Variants in ANK3 observed in about 807,000 individuals in gnomAD.
The protein encoded by ANK3 is ankyrin 3, also known as ankyrin-3.
A neutral mutation model predicts 370.9 loss-of-function variants in ANK3; 57 were observed. That is an observed-to-expected ratio of 0.15 (90% confidence interval 0.12 to 0.19). ANK3 has a LOEUF of 0.19. Among genes scored for constraint, ANK3 ranks in the 10% least tolerant of loss-of-function variants. The pLI, the probability that ANK3 is intolerant of heterozygous loss-of-function variation, is 1.00. For missense variants in ANK3, 4,439 were observed against 5,302.1 expected, an observed-to-expected ratio of 0.84 and a Z score of 5.06; for synonymous variants, 1,929 against 1,946.3, an observed-to-expected ratio of 0.99 and a Z score of 0.23.
chr10:60,337,404 C>G (rs2053253050), intron 1 of ANK3, among the ~76,000 whole-genome samples: 1 of 152,088 alleles, frequency 6.6e-6, no homozygotes, highest in South Asian at 2.1e-4. Context: ...ATACATGACC[C>G]TCTCTGTTTT....
chr10:60,710,440 A>G (rs1198748354), intron 1 of ANK3, among the ~76,000 whole-genome samples: 1 of 152,154 alleles, frequency 6.6e-6, no homozygotes. Flanking sequence ...TTAACTTTTT[A>G]TAATAGAGTT....
In ANK3 at chr10:60,349,760, C is replaced by T. The variant is rs80061084; in HGVS notation, c.114+39665G>A. Among the ~76,000 whole-genome samples the T allele has an allele frequency of 5.3e-3, 806 of 152,284 alleles. 2 individuals are homozygous for T. Among genetic ancestry groups the T allele is most frequent in the Non-Finnish European group, 8.1e-3 (552 of 68,028 alleles). On this transcript the variant is annotated intron_variant, in intron 1 of 43. Transcript: ENST00000280772. ...ATGAGGGTAGAAATAGAGACTCCCA[C>T]CCTCTGTTCTCCCTTCTAATAGGCA... is the stretch of plus-strand genomic sequence containing the variant.
chr10:60,227,823 G>C (rs142964471), intron 8 of ANK3, among the ~76,000 whole-genome samples: 200 of 152,074 alleles, frequency 1.3e-3, no homozygotes, highest in African/African-American at 4.7e-3. Context: ...ATTTATCTTA[G>C]TTATTTTAAA....
intron 9 of ANK3, among the ~76,000 whole-genome samples, chr10:60,213,003 G>A (rs112895900): frequency 5.9e-5 from 9 of 152,176 alleles, no homozygotes; most frequent in African/African-American, 2.2e-4. Flanking sequence ...GTCTTTATCA[G>A]CTAAGTGATA....
At position 60,069,755 on chromosome 10, in the gene ANK3, G is replaced by A; in HGVS notation, c.11126C>T (p.Thr3709Ile). Residue 3709 changes from threonine (T) to isoleucine (I), a missense_variant, in exon 37 of 44, where the codon ACT becomes ATT. By Grantham distance (89) the Thr-to-Ile change is moderately conservative. Around this residue, in one of 13 missense-constraint regions of ANK3, gnomAD observed 496 missense variants for 529.3 expected, o/e 0.94. Coordinates refer to ENST00000280772, the MANE Select transcript of ANK3 (RefSeq NM_020987.5). ...SGSLEKSAAA[T>I]NTSKVDPKLR... ...CTTGGGGTCAACTTTAGAGGTGTTA[G>A]TGGCTGCTGCTGATTTCTCCAGGGA... The A allele has an allele frequency of 1.2e-6, 2 of 1,613,932 alleles. No individual in the cohort carries two copies. Among genetic ancestry groups the A allele is most frequent in the Non-Finnish European group, 1.7e-6 (2 of 1,179,970 alleles).
At chr10:60,421,155 G>C (rs1294295521) in intron 2 of ANK3, among the ~76,000 whole-genome samples, 1 of 151,944 alleles carries the variant, frequency 6.6e-6, no homozygotes, top group African/African-American at 2.4e-5. Flanking sequence ...GAGAGAGAGA[G>C]ATAAGAGATT....
rs540038742 is a variant in ANK3, at chr10:60,284,802, C to G, written c.115-5163G>C. Among the ~76,000 whole-genome samples, 262 of 151,590 alleles carry G rather than the reference C, an allele frequency of 1.7e-3. 1 individual carries two copies. Among genetic ancestry groups the G allele is most frequent in the African/African-American group, 6.1e-3 (250 of 41,260 alleles). The stretch of plus-strand genomic sequence containing the variant: ...TTTGCTTCTAAACTTTTCTGGGGGG[C>G]GGGGGCAATCTCAGGAGCCTCTTTC... On this transcript the variant is annotated intron_variant, in intron 1 of 43. Transcript: ENST00000280772.
At position 60,583,879 on chromosome 10, in the gene ANK3, C is replaced by A. The variant is rs1367958520; in HGVS notation, c.96+31307G>T. Among the ~76,000 whole-genome samples the A allele has an allele frequency of 4.6e-5, 7 of 152,174 alleles. No homozygotes were observed. The East Asian group carries it at 1.2e-3, about 25-fold the overall frequency. On this transcript the variant is annotated intron_variant, in intron 2 of 43. Coordinates refer to the ANK3 transcript ENST00000373827. The stretch of plus-strand genomic sequence containing the variant: ...CATTACAGGCATGAGCCACGGCGCC[C>A]AGCCACAGAGAAGTATTTTAAATGT...
chr10:60,252,896 A>G (rs1375807454), intron 7 of ANK3, among the ~76,000 whole-genome samples: 1 of 152,212 alleles, frequency 6.6e-6, no homozygotes, highest in East Asian at 1.9e-4. Flanking sequence ...TCCTGGATGC[A>G]AGCAGTGACA....
intron 17 of ANK3, among the ~76,000 whole-genome samples, chr10:60,182,977 A>G (rs1373909109): frequency 1.3e-5 from 2 of 152,182 alleles, no homozygotes; most frequent in African/African-American, 4.8e-5. Flanking sequence ...TGTCATGGTC[A>G]CCTATTCTAA....
chr10:60,558,215 T>C (rs571621479), intron 2 of ANK3, among the ~76,000 whole-genome samples: 1 of 152,218 alleles, frequency 6.6e-6, no homozygotes, highest in Non-Finnish European at 1.5e-5. Context: ...TTCAACCGCA[T>C]TTCTGATATT....
At chr10:60,092,235 G>T (rs184830604) in intron 28 of ANK3, among the ~76,000 whole-genome samples, 1 of 152,142 alleles carries the variant, frequency 6.6e-6, no homozygotes, top group Admixed American at 6.5e-5. Flanking sequence ...GGGGGATGGG[G>T]GGTTGTTTTG....
chr10:60,701,615 A>T (rs914761049), intron 1 of ANK3, among the ~76,000 whole-genome samples: 2 of 152,314 alleles, frequency 1.3e-5, no homozygotes, highest in Middle Eastern at 3.4e-3. Flanking sequence ...TATATTAAGT[A>T]AAAACAGCAA....
intron 39 of ANK3, 53 bp from the exon 40 acceptor site, chr10:60,063,307 C>G: frequency 6.5e-7 from 1 of 1,542,786 alleles, no homozygotes; most frequent in Non-Finnish European, 8.7e-7. Context: ...TTCTTTCAGT[C>G]AGCACAATAT....
chr10:60,205,006 G>A (rs901319838), intron 11 of ANK3, among the ~76,000 whole-genome samples: 6 of 152,138 alleles, frequency 3.9e-5, no homozygotes, highest in Admixed American at 6.5e-5. Context: ...GAAGTGCCAA[G>A]GGTTAGAATT....
At chr10:60,338,901 A>G (rs1271248500) in intron 1 of ANK3, among the ~76,000 whole-genome samples, 2 of 151,730 alleles carry the variant, frequency 1.3e-5, no homozygotes, top group African/African-American at 4.8e-5. Flanking sequence ...TAGTTACCTG[A>G]AAGTTTTGTT....
chr10:60,518,783 C>CA (rs1326108703), intron 2 of ANK3, among the ~76,000 whole-genome samples: 1 of 149,592 alleles, frequency 6.7e-6, no homozygotes, highest in African/African-American at 2.4e-5. Flanking sequence ...GGCTTGAATA[C>CA]AAATTTTTTT....
intron 25 of ANK3, among the ~76,000 whole-genome samples, chr10:60,124,468 C>T (rs1379829552): frequency 2.0e-5 from 3 of 152,138 alleles, no homozygotes; most frequent in Non-Finnish European, 4.4e-5. Flanking sequence ...AGCCACTGTG[C>T]CCAGCCTACC....
At chr10:60,226,490 C>CATATACTATAGTATATATACTAAGTAT (rs1565819646) in intron 8 of ANK3, among the ~76,000 whole-genome samples, 1 of 63,412 alleles carries the variant, frequency 1.6e-5, no homozygotes, top group Non-Finnish European at 2.5e-5. Context: ...TATATATATA[C>CATATACTATAGTATATATACTAAGTAT]ATATACTATA....
Sources: gnomAD v4.1 joint callset for allele counts (sites outside exome capture counted in the v4.1 genomes callset) on GRCh38, gnomAD v4.1.1 for gene constraint, gnomAD v4.1.1 regional missense constraint, MANE v1.5 for transcripts, NCBI Gene and HGNC (gene_info 2026-07-23, HGNC 2026-07-21) for gene names.